Variants in DPY19L4 observed in about 807,000 individuals in gnomAD.
The protein encoded by DPY19L4 is dpy-19 like 4, also known as probable C-mannosyltransferase DPY19L4.
DPY19L4 carries 97 observed loss-of-function variants against 102.8 expected under a neutral mutation model. That is an observed-to-expected ratio of 0.94 (90% CI 0.80 to 1.12). DPY19L4 has a LOEUF of 1.12. DPY19L4 is among the 50% of genes most tolerant of loss of function. DPY19L4 has a pLI of 0.00. For missense variants in DPY19L4, 815 were observed against 850.4 expected, an observed-to-expected ratio of 0.96 and a Z score of 0.52; for synonymous variants, 252 against 283.1, an observed-to-expected ratio of 0.89 and a Z score of 1.10.
At position 94,765,712 on chromosome 8, in the gene DPY19L4, T is replaced by C. The variant is rs1428367823; in HGVS notation, c.1004T>C (p.Leu335Pro). Residue 335 changes from leucine to proline, a missense_variant and splice_region_variant, in exon 10 of 19, where the codon CTG (leucine) becomes CCG (proline). Physicochemically the swap from Leu to Pro is moderately conservative, Grantham distance 98 (BLOSUM62 -3). Transcript: ENST00000414645. ...AALMLAKCLQ[L>P]NVKKGSFVAK... The stretch of plus-strand genomic sequence containing the variant: ...GTTCATATGATTTTTCCTCCACAGC[T>C]GAATGTGAAGAAAGGAAGTTTTGTA... 1.3e-6 allele frequency: 2 copies of C among 1,594,588 alleles called. No individual in the cohort carries two copies. Among genetic ancestry groups the C allele is most frequent in the Non-Finnish European group, 8.6e-7 (1 of 1,168,400 alleles).
chr8:94,722,330 C>G (rs1227736110), intron 1 of DPY19L4, among the ~76,000 whole-genome samples: 3 of 151,662 alleles, frequency 2.0e-5, no homozygotes, highest in Non-Finnish European at 4.4e-5. Flanking sequence ...TCGATGGAAC[C>G]CAGGAGGCCG....
intron 2 of DPY19L4, 100 bp downstream of exon 2, chr8:94,726,541 A>T: frequency 1.0e-6 from 1 of 984,584 alleles, no homozygotes; most frequent in Non-Finnish European, 1.5e-6. Context: ...TTTGAGATTA[A>T]GTATATGCTC....
intron 18 of DPY19L4, 26 bp downstream of exon 18, chr8:94,788,078 TA>T (rs1813731884): frequency 2.6e-6 from 3 of 1,157,448 alleles, no homozygotes; most frequent in Non-Finnish European, 3.3e-6. Context: ...GAAAGTTATA[TA>T]TATGTATATA....
chr8:94,731,994 A>G (rs1225754356), intron 2 of DPY19L4, among the ~76,000 whole-genome samples: 1 of 151,252 alleles, frequency 6.6e-6, no homozygotes, highest in East Asian at 2.0e-4. Context: ...GATGGTCTCA[A>G]TCTCCTGATC....
At position 94,768,438 on chromosome 8, in the gene DPY19L4, G is replaced by T; in HGVS notation, c.1219G>T (p.Ala407Ser). 1 of 1,609,132 alleles carries T rather than the reference G, an allele frequency of 6.2e-7. No homozygotes were observed. The highest frequency in any genetic ancestry group is 8.5e-7 in the Non-Finnish European group (1 of 1,178,500). ...NWLLCQESLQ[A>S]PSQDFFLRLT... is the part of the protein sequence containing the mutation. ...GCTCCTCTGTCAAGAATCCCTGCAG[G>T]CACCATCTCAAGATTTTTTTCTGCG... Residue 407 changes from alanine to serine, a missense_variant, in exon 12 of 19, where the codon GCA (alanine) becomes TCA (serine). Physicochemically the swap from Ala to Ser is moderately conservative, Grantham distance 99. Coordinates refer to ENST00000414645, the MANE Select transcript of DPY19L4 (RefSeq NM_181787.3).
intron 11 of DPY19L4, among the ~76,000 whole-genome samples, chr8:94,767,484 G>A (rs1372323386): frequency 1.3e-5 from 2 of 151,916 alleles, no homozygotes; most frequent in Non-Finnish European, 2.9e-5. Flanking sequence ...TAGTAGAGAC[G>A]GGGTTTCACT....
At chr8:94,778,555 A>G (rs1813288979) in intron 14 of DPY19L4, among the ~76,000 whole-genome samples, 1 of 152,050 alleles carries the variant, frequency 6.6e-6, no homozygotes, top group Non-Finnish European at 1.5e-5. Context: ...ACTTTCTTCA[A>G]CCTGCCAGCT....
At chr8:94,733,691 G>A (rs768271312) in intron 2 of DPY19L4, among the ~76,000 whole-genome samples, 18 of 151,886 alleles carry the variant, frequency 1.2e-4, no homozygotes, top group African/African-American at 2.2e-4. Context: ...ACAGGCACCC[G>A]CCACCACACC....
At chr8:94,779,323 T>C (rs905380384) in intron 14 of DPY19L4, among the ~76,000 whole-genome samples, 1 of 148,274 alleles carries the variant, frequency 6.7e-6, no homozygotes, top group Non-Finnish European at 1.5e-5. Context: ...TCTTTTCTCT[T>C]TTTTTTTTTT....
intron 14 of DPY19L4, among the ~76,000 whole-genome samples, chr8:94,778,089 G>T (rs1489106729): frequency 6.6e-6 from 1 of 152,004 alleles, no homozygotes; most frequent in African/African-American, 2.4e-5. Flanking sequence ...AAAAAAATTA[G>T]CTGGGCATGG....
intron 11 of DPY19L4, among the ~76,000 whole-genome samples, chr8:94,767,482 A>T (rs2130893702): frequency 6.6e-6 from 1 of 151,944 alleles, no homozygotes; most frequent in Non-Finnish European, 1.5e-5. Flanking sequence ...TTTAGTAGAG[A>T]CGGGGTTTCA....
chr8:94,723,770 G>T (rs774155840), intron 1 of DPY19L4, among the ~76,000 whole-genome samples: 9 of 151,904 alleles, frequency 5.9e-5, no homozygotes, highest in Non-Finnish European at 1.0e-4. Context: ...TGACAGTGTG[G>T]TTTTTTTTCC....
At chr8:94,776,026 C>CTTTTTTTTTTTT (rs1165180641) in intron 13 of DPY19L4, among the ~76,000 whole-genome samples, 4 of 81,500 alleles carry the variant, frequency 4.9e-5, no homozygotes, top group African/African-American at 9.9e-5. Context: ...ATTTTTAAAT[C>CTTTTTTTTTTTT]TTTTTTTTTT....
At chr8:94,726,855 G>A (rs976264732) in intron 2 of DPY19L4, among the ~76,000 whole-genome samples, 1 of 152,182 alleles carries the variant, frequency 6.6e-6, no homozygotes, top group African/African-American at 2.4e-5. Flanking sequence ...TGATTACAGG[G>A]AAGTGTTCCA....
At chr8:94,740,523 C>A (rs1165211128) in intron 6 of DPY19L4, among the ~76,000 whole-genome samples, 1 of 152,008 alleles carries the variant, frequency 6.6e-6, no homozygotes, top group Admixed American at 6.6e-5. Context: ...GGTGCGATCT[C>A]GGCTCACTGC....
intron 6 of DPY19L4, 76 bp downstream of exon 6, chr8:94,739,866 T>TC (rs36005749): frequency 0.37 from 561,280 of 1,522,066 alleles, 105,082 homozygotes; most frequent in Non-Finnish European, 0.38. Context: ...ATGCCTCCCC[T>TC]CCCCAACAGT....
At chr8:94,735,312 T>G (rs1268943029) in intron 3 of DPY19L4, among the ~76,000 whole-genome samples, 1 of 152,198 alleles carries the variant, frequency 6.6e-6, no homozygotes, top group Non-Finnish European at 1.5e-5. Flanking sequence ...GTAGAGTTTT[T>G]TAATTTTTGA....
intron 11 of DPY19L4, among the ~76,000 whole-genome samples, chr8:94,768,035 A>G (rs1484708018): frequency 1.3e-5 from 2 of 152,192 alleles, no homozygotes; most frequent in Non-Finnish European, 2.9e-5. Context: ...TGTCTCTAGT[A>G]GCTACCATAT....
intron 6 of DPY19L4, among the ~76,000 whole-genome samples, chr8:94,753,142 A>G (rs577436325): frequency 6.6e-6 from 1 of 152,236 alleles, no homozygotes; most frequent in East Asian, 1.9e-4. Flanking sequence ...GGATGAGATT[A>G]TAGGTGTTTT....
Sources: gnomAD v4.1 joint callset for allele counts (sites outside exome capture counted in the v4.1 genomes callset) on GRCh38, gnomAD v4.1.1 for gene constraint, MANE v1.5 for transcripts, NCBI Gene and HGNC (gene_info 2026-07-23, HGNC 2026-07-21) for gene names.